ACO2: variants seen among roughly 807,000 people sequenced by gnomAD.
The protein encoded by ACO2 is aconitate hydratase, mitochondrial.
ACO2 carries 31 observed loss-of-function variants against 84.5 expected under a neutral mutation model. That is an observed-to-expected ratio of 0.37 (90% CI 0.28 to 0.50). ACO2 has a LOEUF of 0.50. Among genes scored for constraint, ACO2 ranks in the 20% least tolerant of loss-of-function variants. The pLI is 0.97. For synonymous variants in ACO2, 414 were observed against 412.7 expected (o/e 1.00, Z -0.04); for missense variants, 685 against 1,029.3 (o/e 0.67, Z 4.58).
At position 41,525,339 on chromosome 22, in the gene ACO2, C is replaced by A; in HGVS notation, c.1752C>A (p.Ile584=). The change falls in exon 14 of 18, where the codon ATC becomes ATA. Residue 584 remains isoleucine, a synonymous_variant. Coordinates refer to ENST00000216254, the MANE Select transcript of ACO2 (RefSeq NM_001098.3). The stretch of plus-strand genomic sequence containing the variant: ...GCAAGGACCTGGAGGACCTGCAGAT[C>A]CTCATCAAGGTCAGCAGCATGGGGA... ...WDGKDLEDLQ[I]LIKVKGKCTT... 2 of 1,613,876 alleles carry A rather than the reference C, an allele frequency of 1.2e-6. No individual in the cohort carries two copies. Among genetic ancestry groups the A allele is most frequent in the Non-Finnish European group, 1.7e-6 (2 of 1,180,004 alleles).
chr22:41,517,693 C>T, intron 7 of ACO2, 62 bp downstream of exon 7: 2 of 1,422,124 alleles, frequency 1.4e-6, no homozygotes, highest in Non-Finnish European at 2.0e-6. Context: ...CTCCCCAAGA[C>T]AGAGCTATGC....
chr22:41,514,777 G>A (rs1227949043), intron 4 of ACO2, among the ~76,000 whole-genome samples: 1 of 152,232 alleles, frequency 6.6e-6, no homozygotes, highest in Non-Finnish European at 1.5e-5. Context: ...CAGGTGATGA[G>A]GCAGGGTGGC....
chr22:41,488,741 C>T (rs1034838908), intron 1 of ACO2, among the ~76,000 whole-genome samples: 2 of 152,172 alleles, frequency 1.3e-5, no homozygotes, highest in African/African-American at 4.8e-5. Context: ...CAGATAAATC[C>T]ATTCTGACAT....
chr22:41,483,414 T>C (rs1432210224), intron 1 of ACO2, among the ~76,000 whole-genome samples: 1 of 152,318 alleles, frequency 6.6e-6, no homozygotes, highest in East Asian at 1.9e-4. Flanking sequence ...CCCAGCACTT[T>C]GGGAGGCCAA....
At chr22:41,501,439 A>C (rs1298890888) in intron 2 of ACO2, among the ~76,000 whole-genome samples, 1 of 152,210 alleles carries the variant, frequency 6.6e-6, no homozygotes, top group East Asian at 1.9e-4. Context: ...ATAAGGTACC[A>C]CAGAGGATGA....
chr22:41,496,714 A>T (rs1056763192), intron 1 of ACO2, among the ~76,000 whole-genome samples: 3 of 152,282 alleles, frequency 2.0e-5, no homozygotes, highest in African/African-American at 7.2e-5. Flanking sequence ...GCACCTACCC[A>T]GTGAGGCAGG....
intron 1 of ACO2, among the ~76,000 whole-genome samples, chr22:41,479,297 A>G (rs953531984): frequency 2.6e-5 from 4 of 152,198 alleles, no homozygotes; most frequent in Non-Finnish European, 4.4e-5. Context: ...ATTACCCACC[A>G]TCTGTTGAGC....
At chr22:41,485,155 A>G (rs1478108499) in intron 1 of ACO2, among the ~76,000 whole-genome samples, 1 of 151,786 alleles carries the variant, frequency 6.6e-6, no homozygotes, top group African/African-American at 2.4e-5. Context: ...GGGATCCGTG[A>G]GCCACTGCTC....
intron 10 of ACO2, 89 bp downstream of exon 10, chr22:41,523,076 G>A: frequency 6.4e-7 from 1 of 1,574,088 alleles, no homozygotes; most frequent in Non-Finnish European, 8.7e-7. Context: ...TGTTGGGCCG[G>A]GGCTGGGGCA....
rs1189497026 is a variant in ACO2 at position 41,516,148 on chromosome 22, C to CAGGAA, written c.835+231_835+232insAGGAA. ...AGATACCTGTCGAGGCTGCCGGTGA[C>CAGGAA]TTCCTAACTGTGTGGCCACACACGG... On this transcript the variant is annotated intron_variant, in intron 6 of 17. Transcript: ENST00000216254. 4.6e-6 allele frequency: 3 copies of CAGGAA among 652,322 alleles called. No individual in the cohort carries two copies. In the African/African-American group the frequency reaches 5.4e-5, roughly 12 times the overall value. 40.4% of individuals were successfully genotyped at this position (652,322 alleles called of 1,614,324 possible).
Position 41,528,601 on chromosome 22 carries a change from A to T in ACO2, c.2331A>T (p.Glu777Asp), listed in dbSNP as rs1376219594. The T allele has an allele frequency of 6.2e-7, 1 of 1,610,682 alleles. No homozygotes were observed. Among genetic ancestry groups the T allele is most frequent in the Non-Finnish European group, 8.5e-7 (1 of 1,179,742 alleles). ...RAGSALNRMK[E>D]LQQ ...GCAGTGCCCTCAACAGAATGAAGGA[A>T]CTGCAACAGTGAGGGCAGTGCCTCC... The change falls in exon 18 of 18, where the codon GAA (glutamate) becomes GAT (aspartate). Residue 777 changes from glutamate (E) to aspartate (D), a missense_variant. Glu to Asp is a conservative substitution (Grantham distance 45). Around this residue, in one of 5 missense-constraint regions of ACO2, gnomAD observed 174 missense variants for 236.6 expected, o/e 0.74. Coordinates refer to ENST00000216254, the MANE Select transcript of ACO2 (RefSeq NM_001098.3).
At chr22:41,489,450 C>A (rs551116022) in intron 1 of ACO2, among the ~76,000 whole-genome samples, 5 of 152,290 alleles carry the variant, frequency 3.3e-5, no homozygotes, top group African/African-American at 1.2e-4. Flanking sequence ...AAAAAACATA[C>A]ATTGCATTTG....
At chr22:41,516,031 G>C (rs1601917714) in intron 6 of ACO2, 114 bp downstream of exon 6, 2 of 1,401,328 alleles carry the variant, frequency 1.4e-6, no homozygotes, top group East Asian at 2.5e-5. Context: ...TGTTCCATTT[G>C]GGGACTTGGG....
chr22:41,473,976 A>AT (rs1444024054), intron 1 of ACO2, among the ~76,000 whole-genome samples: 4 of 151,988 alleles, frequency 2.6e-5, no homozygotes, highest in African/African-American at 9.7e-5. Context: ...AAACTGGGAG[A>AT]TTTTAAGCCA....
In ACO2 at chr22:41,474,685, G is replaced by A. The variant is rs1359531594; in HGVS notation, c.36+5503G>A. On this transcript the variant is annotated intron_variant, in intron 1 of 17. Transcript: ENST00000216254. The stretch of plus-strand genomic sequence containing the variant: ...GCGATCTTGGCTCACTGCAAGCTCC[G>A]CCTCCCAGGTTCACGCCATTCTCCT... Among the ~76,000 whole-genome samples, 3 of 132,568 alleles carry A rather than the reference G, an allele frequency of 2.3e-5. No homozygotes were observed. The Admixed American group carries it at 2.7e-4, about 12-fold the overall frequency. 87.0% of individuals were successfully genotyped at this position (132,568 alleles called of 152,430 possible). A position where few individuals can be genotyped will look rare whatever the true frequency, so the allele number is the denominator to read the frequency against.
In ACO2 at chr22:41,524,978, C is replaced by T; in HGVS notation, c.1605+10C>T. 1.2e-6 allele frequency: 2 copies of T among 1,614,184 alleles called. No individual in the cohort carries two copies. Among genetic ancestry groups the T allele is most frequent in the Non-Finnish European group, 1.7e-6 (2 of 1,180,034 alleles). ...TGAGCTTCCCAAAGGGGTGAGCGCC[C>T]ACGCCCCCTGCTTGCTGGTTGCTGT... On this transcript the variant is annotated intron_variant, in intron 13 of 17. Transcript: ENST00000216254.
chr22:41,497,216 C>T (rs2066320515), intron 1 of ACO2, among the ~76,000 whole-genome samples: 1 of 151,814 alleles, frequency 6.6e-6, no homozygotes, highest in Non-Finnish European at 1.5e-5. Flanking sequence ...TTATAGGTGC[C>T]CGCCACCATG....
intron 2 of ACO2, among the ~76,000 whole-genome samples, chr22:41,502,998 G>C (rs1380474937): frequency 2.6e-5 from 4 of 151,968 alleles, no homozygotes; most frequent in Non-Finnish European, 5.9e-5. Context: ...CCCTGCCTTT[G>C]GCCTCCCAAA....
At chr22:41,495,753 T>C (rs997363698) in intron 1 of ACO2, among the ~76,000 whole-genome samples, 4 of 151,634 alleles carry the variant, frequency 2.6e-5, no homozygotes, top group Admixed American at 2.6e-4. Flanking sequence ...CCCGAGTAGC[T>C]GGGGCTACAG....
Sources: allele counts gnomAD v4.1 joint callset (sites outside exome capture counted in the v4.1 genomes callset), GRCh38; gene constraint gnomAD v4.1.1; regional missense constraint gnomAD v4.1.1; transcripts MANE v1.5; gene names NCBI Gene and HGNC (gene_info 2026-07-23, HGNC 2026-07-21).